Variants in PDE1C observed in about 807,000 individuals in gnomAD.
PDE1C encodes dual specificity calcium/calmodulin-dependent 3',5'-cyclic nucleotide phosphodiesterase 1C.
Under a neutral mutation model 93.1 loss-of-function variants are expected in PDE1C, and 62 were observed. That is an observed-to-expected ratio of 0.67 (90% CI 0.54 to 0.82). The LOEUF (loss-of-function observed/expected upper bound fraction) is 0.82. Ranked by LOEUF, PDE1C falls within the 40% of genes least tolerant of loss-of-function variation. The pLI, the probability that PDE1C is intolerant of heterozygous loss-of-function variation, is 0.00. For synonymous variants in PDE1C, 325 were observed against 310.1 expected (o/e 1.05, Z -0.50); for missense variants, 742 against 884.6 (o/e 0.84, Z 2.04).
At chr7:32,056,937 T>A (rs1794201331) in intron 1 of PDE1C, among the ~76,000 whole-genome samples, 1 of 152,120 alleles carries the variant, frequency 6.6e-6, no homozygotes, top group African/African-American at 2.4e-5. Flanking sequence ...ACTGCCCAGC[T>A]TTTCCCATGC....
At chr7:32,208,266 A>T (rs1051101534) in intron 2 of PDE1C, among the ~76,000 whole-genome samples, 4 of 152,168 alleles carry the variant, frequency 2.6e-5, no homozygotes, top group Admixed American at 2.6e-4. Flanking sequence ...TAGAGAAATT[A>T]TACTTTCAGC....
intron 1 of PDE1C, among the ~76,000 whole-genome samples, chr7:32,339,197 G>T (rs1031511277): frequency 1.3e-5 from 2 of 150,438 alleles, no homozygotes; most frequent in Admixed American, 6.6e-5. Flanking sequence ...GTCATAATAG[G>T]ACAACTACTG....
rs181082724 is a variant in PDE1C, at chr7:32,424,014, G to C, written c.310+3808C>G. Among the ~76,000 whole-genome samples, 59 of 152,322 alleles carry C rather than the reference G, an allele frequency of 3.9e-4. 1 individual carries two copies. Among genetic ancestry groups the C allele is most frequent in the Middle Eastern group, 6.8e-3 (2 of 294 alleles). On this transcript the variant is annotated intron_variant, in intron 1 of 1. Coordinates refer to the PDE1C transcript ENST00000672256. ...TTATTAAGCAATAAAGAATAGCTGT[G>C]AACTGTTGTTTGTAATGTGTTTTAT...
intron 2 of PDE1C, among the ~76,000 whole-genome samples, chr7:32,185,169 C>T (rs114159857): frequency 0.013 from 1,892 of 147,494 alleles, 44 homozygotes; most frequent in African/African-American, 0.044. Flanking sequence ...CGCTTGAACC[C>T]GGGAGGCTGA....
At chr7:31,895,991 T>TTACATACATAGATACA (rs1799264744) in intron 2 of PDE1C, among the ~76,000 whole-genome samples, 1 of 148,486 alleles carries the variant, frequency 6.7e-6, no homozygotes, top group African/African-American at 2.5e-5. Context: ...ACACTCTCCC[T>TTACATACATAGATACA]TACATACATA....
At chr7:32,070,792 A>C (rs1795965715), upstream of PDE1C, 1 of 999,012 alleles carries the variant, frequency 1.0e-6, no homozygotes, top group Admixed American at 5.9e-5. Context: ...GGAGGTGAAA[A>C]GGAGGGCTGG....
intron 3 of PDE1C, among the ~76,000 whole-genome samples, chr7:32,168,157 C>A (rs1454650404): frequency 6.6e-6 from 1 of 152,126 alleles, no homozygotes; most frequent in Non-Finnish European, 1.5e-5. Flanking sequence ...TTGGCATATA[C>A]CTGCATGCAC....
intron 17 of PDE1C, among the ~76,000 whole-genome samples, chr7:31,757,093 C>G (rs907256485): frequency 5.9e-5 from 9 of 152,218 alleles, no homozygotes; most frequent in African/African-American, 2.2e-4. Context: ...TGGTTAAATT[C>G]TGGTCCATTC....
chr7:31,716,026 A>G, the PDE1C span, among the ~76,000 whole-genome samples: 13 of 152,126 alleles, frequency 8.5e-5, no homozygotes, highest in Non-Finnish European at 5.9e-5. Flanking sequence ...GTTTTGCTGG[A>G]CAGCTAAGGA....
At chr7:32,057,401 G>A (rs969946084) in intron 1 of PDE1C, among the ~76,000 whole-genome samples, 5 of 152,210 alleles carry the variant, frequency 3.3e-5, no homozygotes, top group Non-Finnish European at 7.3e-5. Context: ...GTGTGTGTGT[G>A]CGTGCACTTG....
the PDE1C span, among the ~76,000 whole-genome samples, chr7:31,727,475 T>C: frequency 1.3e-5 from 2 of 152,204 alleles, no homozygotes. Context: ...CACTGTGACA[T>C]GCACCTTCTT....
chr7:31,899,577 C>T (rs1562996933), intron 2 of PDE1C, among the ~76,000 whole-genome samples: 1 of 152,016 alleles, frequency 6.6e-6, no homozygotes, highest in Non-Finnish European at 1.5e-5. Context: ...AAAAGCAATA[C>T]AGATTTTACA....
intron 3 of PDE1C, among the ~76,000 whole-genome samples, chr7:32,128,969 A>T (rs1377065016): frequency 7.1e-6 from 1 of 141,054 alleles, no homozygotes; most frequent in African/African-American, 2.6e-5. Flanking sequence ...AAATCTAAAA[A>T]AAACAGAAAA....
At chr7:31,647,872 G>C in the PDE1C span, among the ~76,000 whole-genome samples, 1 of 152,170 alleles carries the variant, frequency 6.6e-6, no homozygotes, top group East Asian at 1.9e-4. Flanking sequence ...ATTGATAAAT[G>C]CCATTTTTGT....
intron 17 of PDE1C, among the ~76,000 whole-genome samples, chr7:31,760,607 T>A (rs995768183): frequency 6.6e-6 from 1 of 152,194 alleles, no homozygotes; most frequent in Non-Finnish European, 1.5e-5. Context: ...TTTGGTCTAC[T>A]TGGAGCTTTT....
chr7:31,937,787 C>T (rs945255005), intron 2 of PDE1C, among the ~76,000 whole-genome samples: 6 of 152,122 alleles, frequency 3.9e-5, no homozygotes, highest in Non-Finnish European at 8.8e-5. Flanking sequence ...TGATACTCAC[C>T]ATTAAGAAAC....
chr7:32,324,795 A>T (rs1197156096), intron 1 of PDE1C, among the ~76,000 whole-genome samples: 1 of 152,170 alleles, frequency 6.6e-6, no homozygotes, highest in Non-Finnish European at 1.5e-5. Context: ...TGAAAAATTT[A>T]AAAATTAGCT....
chr7:32,119,504 T>A (rs141797742), intron 3 of PDE1C, among the ~76,000 whole-genome samples: 5 of 152,138 alleles, frequency 3.3e-5, no homozygotes, highest in African/African-American at 9.7e-5. Context: ...TAATGAGAGA[T>A]GACCGACTAG....
chr7:32,313,109 T>A (rs908217396), intron 1 of PDE1C, among the ~76,000 whole-genome samples: 5 of 151,782 alleles, frequency 3.3e-5, no homozygotes, highest in Admixed American at 3.3e-4. Context: ...GAATAGACAC[T>A]CCTCAAAAGA....
Sources: gnomAD v4.1 joint callset for allele counts (sites outside exome capture counted in the v4.1 genomes callset) on GRCh38, gnomAD v4.1.1 for gene constraint, MANE v1.5 for transcripts, NCBI Gene and HGNC (gene_info 2026-07-23, HGNC 2026-07-21) for gene names.